Variants in EYS observed in about 807,000 individuals in gnomAD.
The protein encoded by EYS is protein eyes shut homolog.
EYS carries 250 observed loss-of-function variants against 282.1 expected under a neutral mutation model. The observed-to-expected ratio is 0.89, with a 90% CI of 0.80 to 0.98. The LOEUF (loss-of-function observed/expected upper bound fraction) is 0.98. Among genes scored for constraint, EYS ranks in the 50% least tolerant of loss-of-function variants. The probability of loss-of-function intolerance (pLI) is 0.00; values close to 1 mark genes in which losing one functional copy is unlikely to be tolerated. For synonymous variants in EYS, 1,355 were observed against 1,282.9 expected (o/e 1.06, Z -1.20); for missense variants, 4,016 against 3,709.0 (o/e 1.08, Z -2.15).
At chr6:65,277,311 T>C (rs1440700900) in intron 12 of EYS, among the ~76,000 whole-genome samples, 2 of 151,932 alleles carry the variant, frequency 1.3e-5, no homozygotes, top group Middle Eastern at 3.2e-3. Context: ...CACAAACCTG[T>C]AGTCCCAGCT....
intron 28 of EYS, among the ~76,000 whole-genome samples, chr6:64,413,087 T>C (rs977376554): frequency 6.6e-6 from 1 of 152,142 alleles, no homozygotes; most frequent in African/African-American, 2.4e-5. Flanking sequence ...AGTTGAAGCT[T>C]ATGTTCAGGG....
At chr6:64,884,914 G>A (rs2150062227) in intron 19 of EYS, among the ~76,000 whole-genome samples, 1 of 151,620 alleles carries the variant, frequency 6.6e-6, no homozygotes, top group East Asian at 1.9e-4. Flanking sequence ...CATATTAGCA[G>A]GTTTTGATTG....
At chr6:65,599,199 C>T (rs58886551) in intron 2 of EYS, among the ~76,000 whole-genome samples, 21,338 of 151,990 alleles carry the variant, frequency 0.14, 1,571 homozygotes, top group South Asian at 0.2. Context: ...GAGGAACCCA[C>T]CTATAGTGAT....
intron 15 of EYS, among the ~76,000 whole-genome samples, chr6:64,916,150 A>G (rs967295877): frequency 1.3e-5 from 2 of 152,190 alleles, no homozygotes; most frequent in African/African-American, 2.4e-5. Flanking sequence ...TTCTAAAATC[A>G]TGGTTACACA....
chr6:64,054,655 A>G (rs79972850), intron 33 of EYS, among the ~76,000 whole-genome samples: 4 of 152,168 alleles, frequency 2.6e-5, no homozygotes, highest in Non-Finnish European at 4.4e-5. Context: ...AGGGCTCTAG[A>G]GTAAAATGGC....
chr6:65,560,235 T>A (rs963633050), intron 2 of EYS, among the ~76,000 whole-genome samples: 51 of 144,962 alleles, frequency 3.5e-4, no homozygotes, highest in Non-Finnish European at 7.4e-4. Flanking sequence ...TTATAATATA[T>A]TATAATTATA....
chr6:64,961,942 TC>T (rs1371605884), intron 14 of EYS, among the ~76,000 whole-genome samples: 2 of 152,162 alleles, frequency 1.3e-5, no homozygotes. Flanking sequence ...ATTTTATTGA[TC>T]CATTAGTATT....
In EYS at chr6:63,872,835, T is replaced by C. The variant is rs932769106; in HGVS notation, c.7056-8477A>G. On this transcript the variant is annotated intron_variant, in intron 35 of 42. Transcript: ENST00000503581. Reference sequence around the variant, plus strand: ...TAAAAATTAATCCCATGTTACTGGATAATAAATCTTCATATTAAACTTTCC... The same window carrying C: ...TAAAAATTAATCCCATGTTACTGGACAATAAATCTTCATATTAAACTTTCC... Among the ~76,000 whole-genome samples the C allele has an allele frequency of 3.3e-5, 5 of 152,124 alleles. No homozygotes were observed. The East Asian group carries it at 9.7e-4, about 30-fold the overall frequency.
intron 22 of EYS, among the ~76,000 whole-genome samples, chr6:64,700,739 A>G (rs1032172947): frequency 6.6e-6 from 1 of 151,982 alleles, no homozygotes; most frequent in Non-Finnish European, 1.5e-5. Flanking sequence ...CAAACAAATG[A>G]AAAAAACATC....
chr6:64,622,071 A>G (rs893771400), intron 23 of EYS, among the ~76,000 whole-genome samples: 2 of 152,168 alleles, frequency 1.3e-5, no homozygotes, highest in African/African-American at 4.8e-5. Context: ...AATTCCCTAT[A>G]TAGGTACAGG....
intron 18 of EYS, 104 bp from the exon 19 acceptor site, chr6:64,886,946 GAAAT>G: frequency 1.3e-6 from 1 of 748,582 alleles, no homozygotes; most frequent in Non-Finnish European, 2.0e-6. Flanking sequence ...CAACTTAATT[GAAAT>G]AAATAATATA....
At chr6:65,330,560 C>A (rs532742611) in intron 11 of EYS, 1 of 981,576 alleles carries the variant, frequency 1.0e-6, no homozygotes, top group Admixed American at 6.2e-5. Context: ...ATATGCAGAC[C>A]TGTTTGCAAT....
chr6:64,640,282 C>A (rs13203354), intron 22 of EYS, among the ~76,000 whole-genome samples: 28,739 of 147,102 alleles, frequency 0.2, 3,555 homozygotes, highest in East Asian at 0.35. Flanking sequence ...ATGTTTATTG[C>A]GGCACTATTC....
In EYS at chr6:64,663,331, T is replaced by C. The variant is rs569268700; in HGVS notation, c.3444-37086A>G. On this transcript the variant is annotated intron_variant, in intron 22 of 42. Coordinates refer to ENST00000503581, the MANE Select transcript of EYS (RefSeq NM_001142800.2). ...AAAGTCTGAGTGAGGAAAACTTTAA[T>C]TGGATACCACTTCATTTGGTAACAC... Among the ~76,000 whole-genome samples, 13 of 151,834 alleles carry C rather than the reference T, an allele frequency of 8.6e-5. No homozygotes were observed. The South Asian group carries it at 1.7e-3, about 19-fold the overall frequency.
intron 18 of EYS, among the ~76,000 whole-genome samples, chr6:64,887,537 G>A (rs1239278620): frequency 6.6e-6 from 1 of 151,968 alleles, no homozygotes; most frequent in Non-Finnish European, 1.5e-5. Context: ...CCTTTTAGAA[G>A]TCTAGATAAA....
chr6:64,835,058 A>T (rs553674953), intron 19 of EYS, among the ~76,000 whole-genome samples: 1 of 151,760 alleles, frequency 6.6e-6, no homozygotes, highest in Non-Finnish European at 1.5e-5. Flanking sequence ...TGTACTAGTA[A>T]ATGTTTAACT....
intron 26 of EYS, among the ~76,000 whole-genome samples, chr6:64,520,668 C>T (rs1024351075): frequency 1.3e-5 from 2 of 151,744 alleles, no homozygotes; most frequent in Non-Finnish European, 2.9e-5. Flanking sequence ...TGGATATGCA[C>T]ATTGAGTCAG....
chr6:64,916,617 T>C lies in EYS; in HGVS notation c.2382-3874A>G, dbSNP rs149859310. ...TCAATCAGATTCTAAGTTTGCTCCA[T>C]GAAATAATTTCAGGATTTAGTGGAA... On this transcript the variant is annotated intron_variant, in intron 15 of 42. Transcript: ENST00000503581. Among the ~76,000 whole-genome samples the C allele has an allele frequency of 3.2e-4, 48 of 152,266 alleles. No homozygotes were observed. The East Asian group carries it at 9.1e-3, about 29-fold the overall frequency.
chr6:65,670,569 T>A (rs929171056), intron 1 of EYS, among the ~76,000 whole-genome samples: 1 of 152,056 alleles, frequency 6.6e-6, no homozygotes, highest in Admixed American at 6.6e-5. Flanking sequence ...GGGTTAATCA[T>A]CCAAACTCTA....
Sources: allele counts gnomAD v4.1 joint callset (sites outside exome capture counted in the v4.1 genomes callset), GRCh38; gene constraint gnomAD v4.1.1; transcripts MANE v1.5; gene names NCBI Gene and HGNC (gene_info 2026-07-23, HGNC 2026-07-21).